Variants in ZNF624 observed in about 807,000 individuals in gnomAD.
ZNF624 encodes zinc finger protein 624.
A neutral mutation model predicts 74.7 loss-of-function variants in ZNF624; 43 were observed. The ratio of observed to expected loss-of-function variants is 0.58; its 90% CI spans 0.45 to 0.74. ZNF624 has a LOEUF of 0.74. ZNF624 is among the 30% of genes least tolerant of loss of function. The probability of loss-of-function intolerance (pLI) is 0.00; values close to 1 mark genes in which losing one functional copy is unlikely to be tolerated. For synonymous variants in ZNF624, 331 were observed against 341.3 expected (o/e 0.97, Z 0.33); for missense variants, 820 against 1,030.0 (o/e 0.80, Z 2.79).
chr17:16,617,171 A>G (rs1908808173), downstream of ZNF624: 2 of 1,612,630 alleles, frequency 1.2e-6, no homozygotes, highest in Admixed American at 1.7e-5. Context: ...CTGCCTTTTG[A>G]TCGAGAACGT....
At chr17:16,617,782 T>G, downstream of ZNF624, 2 of 1,611,404 alleles carry the variant, frequency 1.2e-6, no homozygotes, top group Non-Finnish European at 1.7e-6. Flanking sequence ...TAGCCATTTT[T>G]GAGGTCTACT....
At chr17:16,630,304 C>T (rs560102599) in intron 5 of ZNF624, among the ~76,000 whole-genome samples, 44 of 150,768 alleles carry the variant, frequency 2.9e-4, no homozygotes, top group African/African-American at 1.0e-3. Context: ...TGCTTGTAAT[C>T]CCAGCGCTTT....
chr17:16,616,823 G>T, downstream of ZNF624: 1 of 1,023,468 alleles, frequency 9.8e-7, no homozygotes, highest in Non-Finnish European at 1.5e-6. Flanking sequence ...CCATAATAGT[G>T]TGCAGACAAC....
chr17:16,629,844 G>A (rs1372176637), intron 5 of ZNF624, among the ~76,000 whole-genome samples: 2 of 152,150 alleles, frequency 1.3e-5, no homozygotes, highest in Non-Finnish European at 2.9e-5. Flanking sequence ...TTACAAGCAT[G>A]AGTCACCACG....
chr17:16,635,694 T>C (rs1255940365), intron 3 of ZNF624, among the ~76,000 whole-genome samples: 2 of 152,242 alleles, frequency 1.3e-5, no homozygotes, highest in East Asian at 1.9e-4. Context: ...AGACATGTTA[T>C]TGTTTAACTG....
At position 16,624,385 on chromosome 17, in the gene ZNF624, C is replaced by T. The variant is rs767233386; in HGVS notation, c.501G>A (p.Gly167=). ...ENGLWDSRME[G]LWKWNDRILR... ...ATATCCTATCATTCCATTTCCATAA[C>T]CCTTCCATTCTGGAATCCCACAGAC... The change falls in exon 6 of 6, where the codon GGG becomes GGA. Residue 167 remains glycine, a synonymous_variant. Transcript: ENST00000311331. 1 of 1,613,974 alleles carries T rather than the reference C, an allele frequency of 6.2e-7. No individual in the cohort carries two copies. The highest frequency in any genetic ancestry group is 2.2e-5 in the East Asian group (1 of 44,868).
rs765305540 is a variant in ZNF624 at position 16,624,329 on chromosome 17, A to C, written c.557T>G (p.Leu186Trp). Residue 186 changes from leucine (L) to tryptophan (W), a missense_variant, in exon 6 of 6, where the codon TTG (leucine) becomes TGG (tryptophan). Coordinates refer to ENST00000311331, the MANE Select transcript of ZNF624 (RefSeq NM_020787.4). ...CTTGAGTGGAATTATTCTTTGACTC[A>C]AATGATTCTCCTGATTATTTTGTAA... is the stretch of plus-strand genomic sequence containing the variant. ...LRLQNNQENH[L>W]SQRIIPLKKT... 5.0e-6 allele frequency: 8 copies of C among 1,613,456 alleles called. No homozygotes were observed. Among genetic ancestry groups the C allele is most frequent in the Middle Eastern group, 1.7e-4 (1 of 6,060 alleles).
chr17:16,647,711 A>T (rs2142653769), intron 2 of ZNF624, among the ~76,000 whole-genome samples: 1 of 152,272 alleles, frequency 6.6e-6, no homozygotes, highest in African/African-American at 2.4e-5. Flanking sequence ...TTGGGATGAA[A>T]TCTATTTCTC....
At chr17:16,617,987 C>T (rs1208302693), downstream of ZNF624, 4 of 673,998 alleles carry the variant, frequency 5.9e-6, no homozygotes, top group East Asian at 2.7e-5. Flanking sequence ...ACGCGCCTCA[C>T]ACCATAGTGG....
At chr17:16,647,492 T>C (rs1430940025) in intron 2 of ZNF624, 98 bp from the exon 3 acceptor site, 2 of 968,874 alleles carry the variant, frequency 2.1e-6, no homozygotes, top group African/African-American at 1.6e-5. Context: ...ATGCAGTGTA[T>C]ACAGGATGAC....
downstream of ZNF624, chr17:16,617,261 T>A: frequency 6.2e-7 from 1 of 1,613,392 alleles, no homozygotes; most frequent in East Asian, 2.2e-5. Context: ...CTCCTGCGAC[T>A]CCTACTTCGT....
Position 16,623,444 on chromosome 17 carries a change from T to C in ZNF624, c.1442A>G (p.Tyr481Cys), listed in dbSNP as rs781217960. The C allele has an allele frequency of 1.4e-5, 23 of 1,613,840 alleles. No individual in the cohort carries two copies. The highest frequency in any genetic ancestry group is 1.9e-5 in the Non-Finnish European group (22 of 1,179,946). ...PFRCNECGKA[Y>C]RSNSSLIVHI... ...TACGATAAGGCTTGAATTACTTCTA[T>C]AGGCTTTTCCACATTCGTTACATCT... The change falls in exon 6 of 6, where the codon TAT becomes TGT. Residue 481 changes from tyrosine to cysteine, a missense_variant. Tyr to Cys is a radical substitution (Grantham distance 194). Transcript: ENST00000311331. The surrounding 1 kb of genome is among the most constrained non-coding windows in gnomAD (Gnocchi z 5.3).
chr17:16,617,596 G>C (rs562858715), downstream of ZNF624: 17 of 1,587,824 alleles, frequency 1.1e-5, no homozygotes, highest in East Asian at 3.6e-4. Context: ...TCTGCCAGAT[G>C]TCTCCGACTG....
At chr17:16,617,029 C>G (rs1908804906), downstream of ZNF624, 2 of 1,608,866 alleles carry the variant, frequency 1.2e-6, no homozygotes, top group East Asian at 4.5e-5. Context: ...ATGACCCTTT[C>G]CATTTTCTTT....
rs184699663 is a variant in ZNF624, at chr17:16,621,224, G to A, written c.*1064C>T. ...AAATCAGCTAGCATAGATATAAGTC[G>A]TTTTTAAAATTACTCTCACACTGTT... On this transcript the variant is annotated 3_prime_UTR_variant, in exon 6 of 6. Transcript: ENST00000311331. 9.2e-5 allele frequency: 14 copies of A among 152,292 alleles called. No homozygotes were observed. Among genetic ancestry groups the A allele is most frequent in the East Asian group, 7.7e-4 (4 of 5,190 alleles). The allele number at this position is 152,292 out of a possible 1,614,324, so 9.4% of individuals were successfully genotyped here.
rs140125435 is a variant in ZNF624, at chr17:16,639,913, C to T, written c.154-5157G>A. Among the ~76,000 whole-genome samples, 526 of 152,120 alleles carry T rather than the reference C, an allele frequency of 3.5e-3. 4 individuals carry two copies. Among genetic ancestry groups the T allele is most frequent in the African/African-American group, 0.012 (495 of 41,498 alleles). On this transcript the variant is annotated intron_variant, in intron 3 of 5. Transcript: ENST00000311331. ...AAATTATAAGACACACAAAGAAACA[C>T]GAAAGCATGGACCCATACACAGTAA...
downstream of ZNF624, among the ~76,000 whole-genome samples, chr17:16,619,019 A>G (rs1480482941): frequency 6.6e-6 from 1 of 152,188 alleles, no homozygotes; most frequent in African/African-American, 2.4e-5. Context: ...TTCATTTAAA[A>G]TATTTGGTAT....
In ZNF624 at chr17:16,634,639, C is replaced by T; in HGVS notation, c.271G>A (p.Val91Ile). 6.2e-7 allele frequency: 1 copy of T among 1,613,090 alleles called. No homozygotes were observed. Among genetic ancestry groups the T allele is most frequent in the Admixed American group, 1.7e-5 (1 of 59,946 alleles). Residue 91 changes from valine (V) to isoleucine (I), a missense_variant, in exon 4 of 6, where the codon GTC (valine) becomes ATC (isoleucine). Val to Ile is a conservative substitution (Grantham distance 29). Transcript: ENST00000311331. ...GAGAAGTTATCCTTACCCAGGGAGA[C>T]CAGATTCCTGTAATTCTCTAGCATC... Reference protein sequence around the residue: ...DVMLENYRNLVSLGLAVSKPD... With the variant: ...DVMLENYRNLISLGLAVSKPD...
rs893461470 is a variant in ZNF624, at chr17:16,621,218, T to A, written c.*1070A>T. On this transcript the variant is annotated 3_prime_UTR_variant, in exon 6 of 6. Coordinates refer to ENST00000311331, the MANE Select transcript of ZNF624 (RefSeq NM_020787.4). ...ACATTGAAATCAGCTAGCATAGATA[T>A]AAGTCGTTTTTAAAATTACTCTCAC... 8 of 152,252 alleles carry A rather than the reference T, an allele frequency of 5.3e-5. No individual in the cohort carries two copies. Among genetic ancestry groups the A allele is most frequent in the Admixed American group, 2.0e-4 (3 of 15,286 alleles). The allele number at this position is 152,252 out of a possible 1,614,324, so 9.4% of individuals were successfully genotyped here. A position where few individuals can be genotyped will look rare whatever the true frequency, so the allele number is the denominator to read the frequency against.
Sources: gnomAD v4.1 joint callset for allele counts (sites outside exome capture counted in the v4.1 genomes callset) on GRCh38, gnomAD v4.1.1 for gene constraint, Gnocchi (gnomAD v3.1) non-coding constraint, MANE v1.5 for transcripts, NCBI Gene and HGNC (gene_info 2026-07-23, HGNC 2026-07-21) for gene names.